Variants in DLGAP2 observed in about 807,000 individuals in gnomAD.
DLGAP2 encodes DLG associated protein 2, also known as disks large-associated protein 2.
Under a neutral mutation model 100.3 loss-of-function variants are expected in DLGAP2, and 26 were observed. That is an observed-to-expected ratio of 0.26 (90% CI 0.19 to 0.36). The LOEUF is 0.36. Among genes scored for constraint, DLGAP2 ranks in the 10% least tolerant of loss-of-function variants. The pLI, the probability that DLGAP2 is intolerant of heterozygous loss-of-function variation, is 1.00. For synonymous variants in DLGAP2, 886 were observed against 630.1 expected, an observed-to-expected ratio of 1.41 and a Z score of -6.08; for missense variants, 1,858 against 1,453.2, an observed-to-expected ratio of 1.28 and a Z score of -4.53.
intron 3 of DLGAP2, among the ~76,000 whole-genome samples, chr8:1,380,721 A>C (rs1161914454): frequency 6.6e-6 from 1 of 152,156 alleles, no homozygotes; most frequent in African/African-American, 2.4e-5. Flanking sequence ...TTCTTTAATT[A>C]CACGCTTGCG....
chr8:1,542,641 TC>T (rs1026621768), intron 4 of DLGAP2, among the ~76,000 whole-genome samples: 55 of 152,220 alleles, frequency 3.6e-4, no homozygotes, highest in African/African-American at 1.3e-3. Flanking sequence ...CATTCATCCG[TC>T]GGGCAGCATT....
At chr8:1,170,526 G>A (rs897387266) in intron 2 of DLGAP2, among the ~76,000 whole-genome samples, 4 of 150,718 alleles carry the variant, frequency 2.7e-5, no homozygotes, top group Admixed American at 2.0e-4. Context: ...ACTCTTTTTG[G>A]TTGGTAAGCT....
intron 3 of DLGAP2, among the ~76,000 whole-genome samples, chr8:1,357,209 G>GC (rs1271238408): frequency 6.6e-5 from 10 of 152,062 alleles, no homozygotes; most frequent in African/African-American, 2.4e-4. Flanking sequence ...TGCTCAGGTG[G>GC]CCTTGGTGCA....
rs138945728 is a variant in DLGAP2, at chr8:856,388, G to A, written c.19-51524G>A. On this transcript the variant is annotated intron_variant, in intron 1 of 14. Coordinates refer to ENST00000637795, the MANE Select transcript of DLGAP2 (RefSeq NM_001346810.2). ...TTTTTGGTAGAGATGGGATTTCTCC[G>A]TGTTGGTCAGGCTGATCTCAAACTG... 6.3e-3 allele frequency among the ~76,000 whole-genome samples: 965 copies of A among 152,052 alleles called. 8 individuals carry two copies. The highest frequency in any genetic ancestry group is 0.022 in the African/African-American group (912 of 41,474).
In DLGAP2 at chr8:1,101,152, C is replaced by T. The variant is rs148695495; in HGVS notation, c.74-157699C>T. On this transcript the variant is annotated intron_variant, in intron 2 of 14. Coordinates refer to ENST00000637795, the MANE Select transcript of DLGAP2 (RefSeq NM_001346810.2). ...AATCTGCACTGATGGGCATGGCAGA[C>T]GCAAATGTTAAGTGACATAAAATCT... 5.5e-3 allele frequency among the ~76,000 whole-genome samples: 844 copies of T among 152,288 alleles called. 8 individuals are homozygous for T. The highest frequency in any genetic ancestry group is 6.8e-3 in the Middle Eastern group (2 of 294).
chr8:1,059,906 G>A (rs948606003), intron 2 of DLGAP2, among the ~76,000 whole-genome samples: 7 of 152,152 alleles, frequency 4.6e-5, no homozygotes, highest in African/African-American at 1.2e-4. Flanking sequence ...GTGTGGCCCC[G>A]GGGGCATGGA....
intron 3 of DLGAP2, among the ~76,000 whole-genome samples, chr8:1,344,248 C>T (rs185885728): frequency 1.0e-3 from 124 of 120,002 alleles, no homozygotes; most frequent in African/African-American, 3.4e-3. Context: ...CTGCACACTT[C>T]GCCCAGTCTC....
chr8:803,755 C>G (rs1050120507), intron 1 of DLGAP2, among the ~76,000 whole-genome samples: 4 of 152,210 alleles, frequency 2.6e-5, no homozygotes, highest in African/African-American at 9.7e-5. Context: ...ACGTGCTGTA[C>G]TTTGAATTTT....
At chr8:1,333,287 C>T (rs376427091) in intron 3 of DLGAP2, among the ~76,000 whole-genome samples, 9 of 152,230 alleles carry the variant, frequency 5.9e-5, no homozygotes, top group Admixed American at 3.3e-4. Context: ...CATGGCACCT[C>T]GAGTCTCAGG....
At chr8:811,262 A>T (rs796164776) in intron 1 of DLGAP2, among the ~76,000 whole-genome samples, 19 of 152,380 alleles carry the variant, frequency 1.2e-4, no homozygotes, top group African/African-American at 4.6e-4. Context: ...AGGAGTGTGG[A>T]TTGCTCCCCT....
At chr8:1,206,549 G>A (rs1041906818) in intron 2 of DLGAP2, among the ~76,000 whole-genome samples, 3 of 150,036 alleles carry the variant, frequency 2.0e-5, no homozygotes, top group South Asian at 2.1e-4. Flanking sequence ...GACTGTGAGC[G>A]GTTAATCTCC....
At chr8:1,010,097 A>C (rs796550228) in intron 2 of DLGAP2, among the ~76,000 whole-genome samples, 15 of 152,370 alleles carry the variant, frequency 9.8e-5, no homozygotes, top group African/African-American at 3.6e-4. Flanking sequence ...TCTTCAACAA[A>C]CTAAAGATTT....
intron 8 of DLGAP2, among the ~76,000 whole-genome samples, chr8:1,660,703 A>G (rs1244997109): frequency 6.6e-6 from 1 of 152,216 alleles, no homozygotes; most frequent in East Asian, 1.9e-4. Flanking sequence ...TGGACAAGTG[A>G]TTAATATTTT....
intron 1 of DLGAP2, among the ~76,000 whole-genome samples, chr8:768,323 C>A (rs1021609003): frequency 6.6e-6 from 1 of 150,780 alleles, no homozygotes; most frequent in Non-Finnish European, 1.5e-5. Context: ...ACTATACAGT[C>A]ACTCAGACAA....
intron 1 of DLGAP2, among the ~76,000 whole-genome samples, chr8:874,493 C>G (rs1178171270): frequency 6.6e-6 from 1 of 152,106 alleles, no homozygotes; most frequent in African/African-American, 2.4e-5. Flanking sequence ...GTTTAATTTA[C>G]ACAAACTGGT....
intron 6 of DLGAP2, among the ~76,000 whole-genome samples, chr8:1,578,704 G>C (rs1348302231): frequency 6.6e-6 from 1 of 152,144 alleles, no homozygotes; most frequent in Non-Finnish European, 1.5e-5. Context: ...ATATATATAA[G>C]CGTTTTCACT....
chr8:1,697,056 C>A, intron 13 of DLGAP2, 91 bp from the exon 14 acceptor site: 1 of 1,340,040 alleles, frequency 7.5e-7, no homozygotes, highest in South Asian at 1.8e-5. Context: ...TAATCCGCCT[C>A]TTGAAAGGCA....
chr8:951,238 T>C (rs1378321895), intron 2 of DLGAP2, among the ~76,000 whole-genome samples: 1 of 152,190 alleles, frequency 6.6e-6, no homozygotes, highest in African/African-American at 2.4e-5. Context: ...TAAAAAATAG[T>C]GCAGTGACTC....
intron 2 of DLGAP2, among the ~76,000 whole-genome samples, chr8:1,167,104 C>G (rs575437840): frequency 2.0e-5 from 3 of 152,096 alleles, no homozygotes; most frequent in African/African-American, 7.2e-5. Flanking sequence ...TCACTGTACT[C>G]TAGCCTGGGC....
Sources: allele counts gnomAD v4.1 joint callset (sites outside exome capture counted in the v4.1 genomes callset), GRCh38; gene constraint gnomAD v4.1.1; transcripts MANE v1.5; gene names NCBI Gene and HGNC (gene_info 2026-07-23, HGNC 2026-07-21).